Variants in DOCK11 observed in about 807,000 individuals in gnomAD.
DOCK11 encodes dedicator of cytokinesis protein 11.
Under a neutral mutation model 169.1 loss-of-function variants are expected in DOCK11, and 70 were observed. The observed-to-expected ratio is 0.41, with a 90% CI of 0.34 to 0.51. The LOEUF is 0.51. DOCK11 is among the 20% of genes least tolerant of loss of function. The pLI is 0.10. For missense variants in DOCK11, 1,166 were observed against 1,538.8 expected, an observed-to-expected ratio of 0.76 and a Z score of 4.05; for synonymous variants, 529 against 541.3, an observed-to-expected ratio of 0.98 and a Z score of 0.32.
At chrX:118,589,217 A>AT (rs112612053) in intron 18 of DOCK11, among the ~76,000 whole-genome samples, 1,154 of 104,889 alleles carry the variant, frequency 0.011, 11 homozygotes, top group Non-Finnish European at 0.016. Context: ...TTGAAAAGAG[A>AT]TTTTTTTTTT....
At chrX:118,658,973 G>T (rs996415351) in intron 44 of DOCK11, among the ~76,000 whole-genome samples, 10 of 111,546 alleles carry the variant, frequency 9.0e-5, no homozygotes, top group East Asian at 5.7e-4. Context: ...ATAGAATCTG[G>T]TTTTTTTCAT....
At chrX:118,518,860 C>CCTGT (rs2057705454) in intron 1 of DOCK11, among the ~76,000 whole-genome samples, 1 of 111,410 alleles carries the variant, frequency 9.0e-6, no homozygotes, top group South Asian at 3.8e-4. Context: ...GGAGGCTGAG[C>CCTGT]CTGTGTTGGG....
In DOCK11 at chrX:118,513,653, T is replaced by C. The variant is rs773480294; in HGVS notation, c.102+17580T>C. Among the ~76,000 whole-genome samples, 3 of 112,547 alleles carry C rather than the reference T, an allele frequency of 2.7e-5. No individual in the cohort carries two copies. In the South Asian group the frequency reaches 1.1e-3, roughly 41 times the overall value. On this transcript the variant is annotated intron_variant, in intron 1 of 52. Transcript: ENST00000276202. ...TGAAGAGTTTACGAAATTATGTAAT[T>C]GTAACCCCAGAGCCCAGTTTATGTC...
chrX:118,539,660 A>G lies in DOCK11; in HGVS notation c.103-3065A>G, dbSNP rs750897041. ...GCTTAATTTCATCATTCTACATTGT[A>G]TTAAAAATCATAACACCACTTTGTA... On this transcript the variant is annotated intron_variant, in intron 1 of 52. Coordinates refer to ENST00000276202, the MANE Select transcript of DOCK11 (RefSeq NM_144658.4). 5.4e-5 allele frequency among the ~76,000 whole-genome samples: 6 copies of G among 111,643 alleles called. No homozygotes were observed. The South Asian group carries it at 2.2e-3, about 42-fold the overall frequency.
rs1342518407 is a variant in DOCK11, at chrX:118,560,818, AT to A, written c.559-562del. ...TGGCATAGTTCCATTAGGCCTGTTG[AT>A]TTAAAGCTCAGCACTTGGGGCACTC... On this transcript the variant is annotated intron_variant, in intron 6 of 52. Coordinates refer to ENST00000276202, the MANE Select transcript of DOCK11 (RefSeq NM_144658.4). Among the ~76,000 whole-genome samples, 3 of 111,411 alleles carry A rather than the reference AT, an allele frequency of 2.7e-5. No homozygotes were observed. In the East Asian group the frequency reaches 8.5e-4, roughly 31 times the overall value.
intron 46 of DOCK11, 94 bp downstream of exon 46, chrX:118,671,239 G>C: frequency 1.2e-6 from 1 of 825,565 alleles, no homozygotes; most frequent in Non-Finnish European, 1.7e-6. Flanking sequence ...TATTCGACTT[G>C]TGTCCTCTGA....
Position 118,572,383 on chromosome X carries a change from C to T in DOCK11, c.1096C>T (p.Arg366Cys), listed in dbSNP as rs1480833734. Reference protein sequence around the residue: ...IKPFEEKCNKRFLVNCHDLTF... With the variant: ...IKPFEEKCNKCFLVNCHDLTF... ...GCCATTTGAAGAAAAATGCAATAAA[C>T]GTTTCCTGGTGAATTGCCATGATTT... Residue 366 changes from arginine (R) to cysteine (C), a missense_variant, in exon 11 of 53, where the codon CGT becomes TGT. Coordinates refer to ENST00000276202, the MANE Select transcript of DOCK11 (RefSeq NM_144658.4). The T allele has an allele frequency of 3.3e-6, 4 of 1,203,315 alleles. No homozygotes were observed. The highest frequency in any genetic ancestry group is 2.3e-4 in the Middle Eastern group (1 of 4,345).
At chrX:118,548,574 G>A (rs1012647519) in intron 6 of DOCK11, among the ~76,000 whole-genome samples, 1 of 111,635 alleles carries the variant, frequency 9.0e-6, no homozygotes, top group Non-Finnish European at 1.9e-5. Flanking sequence ...TGTGAGAACA[G>A]AAGGAGGGCC....
At chrX:118,648,891 A>G in intron 40 of DOCK11, 54 bp from the exon 41 acceptor site, 2 of 1,073,011 alleles carry the variant, frequency 1.9e-6, no homozygotes, top group Admixed American at 3.0e-5. Flanking sequence ...TTGATATTCT[A>G]TTGATTTTAT....
In DOCK11 at chrX:118,686,126, A is replaced by G. The variant is rs184121716; in HGVS notation, c.*319A>G. 1.3e-5 allele frequency: 2 copies of G among 155,754 alleles called. No individual in the cohort carries two copies. The highest frequency in any genetic ancestry group is 6.1e-5 in the African/African-American group (2 of 32,863). The allele number at this position is 155,754 out of a possible 1,213,427, so 12.8% of individuals were successfully genotyped here. On this transcript the variant is annotated 3_prime_UTR_variant, in exon 53 of 53. Transcript: ENST00000276202. ...GTAAAATTGTATAATGGAATACAAT[A>G]AAAGGTAAAACTTATTTGTAATTAG... is the stretch of plus-strand genomic sequence containing the variant.
At chrX:118,584,691 A>T in intron 14 of DOCK11, 44 bp from the exon 15 acceptor site, 2 of 1,077,760 alleles carry the variant, frequency 1.9e-6, no homozygotes, top group Non-Finnish European at 2.4e-6. Flanking sequence ...ATTTATCAAC[A>T]TGGAATTTTT....
chrX:118,531,545 GTATA>G (rs200395078), intron 1 of DOCK11, among the ~76,000 whole-genome samples: 16,523 of 96,958 alleles, frequency 0.17, 2,188 homozygotes, highest in African/African-American at 0.44. Flanking sequence ...TTTGAAGTGT[GTATA>G]TATATATATA....
chrX:118,510,713 T>C (rs1221257284), intron 1 of DOCK11, among the ~76,000 whole-genome samples: 1 of 111,692 alleles, frequency 9.0e-6, no homozygotes, highest in African/African-American at 3.3e-5. Flanking sequence ...ACCTCTCATA[T>C]GTCCTGTGTA....
intron 6 of DOCK11, among the ~76,000 whole-genome samples, chrX:118,560,875 G>GT (rs2147373534): frequency 8.9e-6 from 1 of 112,020 alleles, no homozygotes; most frequent in East Asian, 2.8e-4. Context: ...TAATGACTCT[G>GT]TGCTTCCCTG....
Position 118,686,093 on chromosome X carries a change from G to A in DOCK11, c.*286G>A. ...TTGCTTAATTATTGCTTAAAATAATGGTACTATGTAAAATTGTATAATGGA... is the reference window on the plus strand; with the variant it reads ...TTGCTTAATTATTGCTTAAAATAATAGTACTATGTAAAATTGTATAATGGA... On this transcript the variant is annotated 3_prime_UTR_variant, in exon 53 of 53. Transcript: ENST00000276202. The A allele has an allele frequency of 1.4e-5, 3 of 211,544 alleles. No individual in the cohort carries two copies. The highest frequency in any genetic ancestry group is 2.6e-5 in the Non-Finnish European group (3 of 117,111). The allele number at this position is 211,544 out of a possible 1,213,427, so 17.4% of individuals were successfully genotyped here.
chrX:118,671,613 C>T (rs190844154), intron 46 of DOCK11, among the ~76,000 whole-genome samples: 10 of 111,762 alleles, frequency 8.9e-5, no homozygotes, highest in African/African-American at 2.9e-4. Flanking sequence ...TTTATGTTTT[C>T]CAAATGAAAT....
intron 12 of DOCK11, among the ~76,000 whole-genome samples, chrX:118,576,857 T>C (rs925639060): frequency 8.9e-6 from 1 of 112,380 alleles, no homozygotes; most frequent in Non-Finnish European, 1.9e-5. Context: ...CTCAAACTCC[T>C]GGGCTCAAGC....
At chrX:118,542,867 G>GA (rs3841523) in intron 2 of DOCK11, 26 bp downstream of exon 2, 2 of 1,196,857 alleles carry the variant, frequency 1.7e-6, no homozygotes, top group Admixed American at 4.4e-5. Flanking sequence ...CTTCTTTAAA[G>GA]AAAAAAACCC....
At chrX:118,544,672 T>C in intron 4 of DOCK11, among the ~76,000 whole-genome samples, 1 of 69,817 alleles carries the variant, frequency 1.4e-5, no homozygotes, top group East Asian at 4.3e-4. Flanking sequence ...TTTTTTTTTT[T>C]TTTTTGAGAC....
Sources: gnomAD v4.1 joint callset for allele counts (sites outside exome capture counted in the v4.1 genomes callset) on GRCh38, gnomAD v4.1.1 for gene constraint, MANE v1.5 for transcripts, NCBI Gene and HGNC (gene_info 2026-07-23, HGNC 2026-07-21) for gene names.